The following PCED1B variants were observed in gnomAD, a reference collection of about 807,000 sequenced individuals.
PCED1B encodes PC-esterase domain containing 1B.
For synonymous variants in PCED1B, 251 were observed against 246.1 expected (o/e 1.02, Z -0.19); for missense variants, 573 against 573.9 (o/e 1.00, Z 0.02).
intron 2 of PCED1B, among the ~76,000 whole-genome samples, chr12:47,106,860 A>G (rs192797991): frequency 1.9e-3 from 294 of 151,922 alleles, no homozygotes; most frequent in African/African-American, 6.8e-3. Context: ...GCAAACATAC[A>G]TTAGGGCCTT....
chr12:47,156,570 A>G (rs2137480129), intron 2 of PCED1B, among the ~76,000 whole-genome samples: 1 of 152,026 alleles, frequency 6.6e-6, no homozygotes, highest in East Asian at 1.9e-4. Context: ...CTCAGGGCAC[A>G]CAGGGCTGCT....
chr12:47,201,813 T>A (rs1942773397), intron 2 of PCED1B, among the ~76,000 whole-genome samples: 1 of 152,140 alleles, frequency 6.6e-6, no homozygotes, highest in South Asian at 2.1e-4. Flanking sequence ...TTGCCCAGGC[T>A]GGTCTTGAAC....
At chr12:47,188,486 TCA>T (rs560505153) in intron 2 of PCED1B, among the ~76,000 whole-genome samples, 26 of 152,244 alleles carry the variant, frequency 1.7e-4, no homozygotes, top group Non-Finnish European at 3.5e-4. Flanking sequence ...TATTGTCATC[TCA>T]GTTTCTAATG....
intron 1 of PCED1B, among the ~76,000 whole-genome samples, chr12:47,081,318 C>T (rs1026158466): frequency 6.6e-6 from 1 of 152,176 alleles, no homozygotes; most frequent in Non-Finnish European, 1.5e-5. Context: ...CCCCGCGCAC[C>T]TTTTCACTTG....
At chr12:47,207,244 C>T (rs1007865375) in intron 2 of PCED1B, among the ~76,000 whole-genome samples, 24 of 152,156 alleles carry the variant, frequency 1.6e-4, no homozygotes, top group African/African-American at 3.9e-4. Flanking sequence ...AACTTTTGTC[C>T]AAAATACATA....
chr12:47,138,221 T>G (rs1193578166), intron 2 of PCED1B: 1 of 152,190 alleles, frequency 6.6e-6, no homozygotes, highest in Non-Finnish European at 1.5e-5. Context: ...CATACTCAGA[T>G]ATTTCCATTT....
At chr12:47,080,870 C>G (rs184758340) in intron 1 of PCED1B, among the ~76,000 whole-genome samples, 2 of 152,204 alleles carry the variant, frequency 1.3e-5, no homozygotes, top group East Asian at 3.9e-4. Flanking sequence ...CTGTCCCCGC[C>G]ACCTCCCCGT....
At chr12:47,145,941 C>T (rs1422693708) in intron 2 of PCED1B, among the ~76,000 whole-genome samples, 1 of 152,180 alleles carries the variant, frequency 6.6e-6, no homozygotes, top group Non-Finnish European at 1.5e-5. Flanking sequence ...AAGGCTACAG[C>T]TGCTATAGAC....
At chr12:47,219,803 T>C (rs832722) in intron 3 of PCED1B, among the ~76,000 whole-genome samples, 61,003 of 152,022 alleles carry the variant, frequency 0.4, 13,425 homozygotes, top group African/African-American at 0.6. Context: ...ATTTTTTTTC[T>C]TCTTAATTTA....
intron 3 of PCED1B, among the ~76,000 whole-genome samples, chr12:47,232,905 TTTTA>T (rs66480040): frequency 0.27 from 38,878 of 144,132 alleles, 5,555 homozygotes; most frequent in South Asian, 0.41. Context: ...GACCTAGAAA[TTTTA>T]TTTATTTATT....
intron 2 of PCED1B, chr12:47,135,859 C>T (rs1055060684): frequency 3.0e-5 from 13 of 436,952 alleles, no homozygotes; most frequent in Middle Eastern, 3.8e-4. Context: ...GTGGAGCGGC[C>T]GGTGTTGGCA....
Position 47,084,766 on chromosome 12 carries a change from CT to C in PCED1B, c.-609+5042del, listed in dbSNP as rs747861924. The stretch of plus-strand genomic sequence containing the variant: ...GTCTTGAATTATAAAAGTATTAAAA[CT>C]CTGTGTGATTGCAGAAACCTACCAA... On this transcript the variant is annotated intron_variant, in intron 1 of 3. Transcript: ENST00000546455. Among the ~76,000 whole-genome samples the C allele has an allele frequency of 1.8e-4, 27 of 152,338 alleles. 1 individual carries two copies. In the South Asian group the frequency reaches 3.1e-3, roughly 18 times the overall value.
rs1943927210 is a variant in PCED1B at position 47,235,010 on chromosome 12, T to G, written c.-54T>G. 2 of 1,466,724 alleles carry G rather than the reference T, an allele frequency of 1.4e-6. No homozygotes were observed. Among genetic ancestry groups the G allele is most frequent in the African/African-American group, 2.8e-5 (2 of 70,680 alleles). 90.9% of individuals were successfully genotyped at this position (1,466,724 alleles called of 1,614,324 possible). On this transcript the variant is annotated 5_prime_UTR_variant, in exon 4 of 4. Coordinates refer to ENST00000546455, the MANE Select transcript of PCED1B (RefSeq NM_138371.3). ...CCCTTCTCTCCTTCTGTCCTAGCCA[T>G]CCGCAGAGCCATCCTGTGCAAAGGA...
At chr12:47,088,558 G>A (rs35914687) in intron 1 of PCED1B, among the ~76,000 whole-genome samples, 6,159 of 152,212 alleles carry the variant, frequency 0.04, 414 homozygotes, top group African/African-American at 0.14. Flanking sequence ...TACCCAAAGG[G>A]GTTCTGAACT....
intron 2 of PCED1B, among the ~76,000 whole-genome samples, chr12:47,126,834 C>G (rs550481989): frequency 3.9e-5 from 6 of 152,104 alleles, no homozygotes; most frequent in Non-Finnish European, 8.8e-5. Flanking sequence ...TCTGTTGAGT[C>G]CATAGTGCTG....
intron 1 of PCED1B, among the ~76,000 whole-genome samples, chr12:47,088,682 A>G (rs936219628): frequency 1.1e-4 from 16 of 152,208 alleles, no homozygotes; most frequent in African/African-American, 3.6e-4. Flanking sequence ...TAGGAAATCA[A>G]TGTAGGTTTC....
chr12:47,090,796 T>C (rs1030827723), intron 1 of PCED1B, among the ~76,000 whole-genome samples: 1 of 152,234 alleles, frequency 6.6e-6, no homozygotes. Context: ...CTGCTACTGA[T>C]ATAGCCCAAA....
At chr12:47,149,682 A>G (rs1464079478) in intron 2 of PCED1B, among the ~76,000 whole-genome samples, 2 of 152,208 alleles carry the variant, frequency 1.3e-5, no homozygotes, top group Non-Finnish European at 1.5e-5. Flanking sequence ...TTTTTCTCTG[A>G]TCACAAAAAT....
chr12:47,116,288 G>T (rs780502244), intron 2 of PCED1B, among the ~76,000 whole-genome samples: 6 of 152,092 alleles, frequency 3.9e-5, no homozygotes, highest in Admixed American at 6.6e-5. Flanking sequence ...ATAATTATTT[G>T]TTCCTTTTGG....
Sources: allele counts gnomAD v4.1 joint callset (sites outside exome capture counted in the v4.1 genomes callset), GRCh38; gene constraint gnomAD v4.1.1; transcripts MANE v1.5; gene names NCBI Gene and HGNC (gene_info 2026-07-23, HGNC 2026-07-21).